Variants in KHDC1 observed in about 807,000 individuals in gnomAD.
KHDC1 encodes KH homology domain-containing protein 1.
A neutral mutation model predicts 24.7 loss-of-function variants in KHDC1; 21 were observed. That is an observed-to-expected ratio of 0.85 (90% confidence interval 0.60 to 1.23). The LOEUF (loss-of-function observed/expected upper bound fraction) is 1.23, where lower values mean the gene tolerates loss of function less well. KHDC1 is among the 50% of genes most tolerant of loss of function. The probability of loss-of-function intolerance (pLI) is 0.00; values close to 1 mark genes in which losing one functional copy is unlikely to be tolerated. For missense variants in KHDC1, 274 were observed against 298.5 expected (o/e 0.92, Z 0.61); for synonymous variants, 98 against 111.7 (o/e 0.88, Z 0.77).
chr6:73,263,115 G>A (rs1273949217), intron 2 of KHDC1: 33 of 1,006,276 alleles, frequency 3.3e-5, no homozygotes, highest in Non-Finnish European at 3.9e-5. Context: ...AGGAGACAGC[G>A]GTACCTCCTG....
In KHDC1 at chr6:73,287,331, C is replaced by T. The variant is rs1562256842; in HGVS notation, c.206+4667G>A. Among the ~76,000 whole-genome samples, 12 of 152,184 alleles carry T rather than the reference C, an allele frequency of 7.9e-5. No individual in the cohort carries two copies. The South Asian group carries it at 2.5e-3, about 31-fold the overall frequency. The stretch of plus-strand genomic sequence containing the variant: ...ACTTAACCCTCAGATGCCAGAAAGA[C>T]ACAATCATCATAACAAGTGGCAAGT... On this transcript the variant is annotated intron_variant, in intron 2 of 4. Coordinates refer to ENST00000370384, the Ensembl canonical transcript of KHDC1.
At chr6:73,307,814 G>C (rs923114613) in intron 1 of KHDC1, among the ~76,000 whole-genome samples, 4 of 152,168 alleles carry the variant, frequency 2.6e-5, no homozygotes, top group Admixed American at 2.6e-4. Context: ...ACATCACCTG[G>C]AGGTCTTCTT....
intron 2 of KHDC1, among the ~76,000 whole-genome samples, chr6:73,289,258 C>A (rs542357588): frequency 2.4e-5 from 3 of 122,450 alleles, no homozygotes; most frequent in Non-Finnish European, 4.8e-5. Context: ...CACTTGAACC[C>A]GGGAGGCGGT....
chr6:73,298,422 A>ATTTTTTT (rs1562260419), intron 1 of KHDC1, among the ~76,000 whole-genome samples: 1 of 115,046 alleles, frequency 8.7e-6, no homozygotes, highest in African/African-American at 3.6e-5. Context: ...ATACTTTGCA[A>ATTTTTTT]ATTTTTTTTT....
At chr6:73,278,264 A>C (rs1582572831) in intron 2 of KHDC1, among the ~76,000 whole-genome samples, 2 of 135,322 alleles carry the variant, frequency 1.5e-5, no homozygotes, top group Admixed American at 7.7e-5. Flanking sequence ...TGATCCCCCC[A>C]CCTCGGCCTC....
chr6:73,306,520 T>C (rs1481268000), intron 1 of KHDC1, among the ~76,000 whole-genome samples: 1 of 152,168 alleles, frequency 6.6e-6, no homozygotes, highest in Non-Finnish European at 1.5e-5. Context: ...TCTGAGAATC[T>C]CACTCCTGCA....
chr6:73,255,776 C>T (rs1766870009), intron 2 of KHDC1, among the ~76,000 whole-genome samples: 1 of 151,534 alleles, frequency 6.6e-6, no homozygotes, highest in Non-Finnish European at 1.5e-5. Flanking sequence ...GTGGCGGGCA[C>T]CTTTCATCCC....
chr6:73,272,836 TTTTTC>T (rs1225325678), intron 2 of KHDC1, among the ~76,000 whole-genome samples: 73 of 150,122 alleles, frequency 4.9e-4, no homozygotes, highest in African/African-American at 1.3e-3. Flanking sequence ...GCTGGATAAT[TTTTTC>T]TTTTCTTTTC....
At position 73,306,852 on chromosome 6, in the gene KHDC1, C is replaced by CA. The variant is rs568325773; in HGVS notation, c.163+2699dup. Among the ~76,000 whole-genome samples the CA allele has an allele frequency of 2.3e-3, 355 of 151,756 alleles. 3 individuals are homozygous for CA. Among genetic ancestry groups the CA allele is most frequent in the African/African-American group, 7.9e-3 (328 of 41,368 alleles). The stretch of plus-strand genomic sequence containing the variant: ...TGAAACCCCGTCTCTACTAAAAATA[C>CA]AAAAAAATTAGCCAGGTGTGGTGGC... On this transcript the variant is annotated intron_variant, in intron 1 of 4. Transcript: ENST00000370384.
At chr6:73,271,060 C>T (rs1228370667) in intron 2 of KHDC1, among the ~76,000 whole-genome samples, 1 of 152,116 alleles carries the variant, frequency 6.6e-6, no homozygotes, top group African/African-American at 2.4e-5. Context: ...CAGTGTTTTT[C>T]AGACTGCAAG....
At chr6:73,254,598 G>A (rs373311533) in intron 2 of KHDC1, among the ~76,000 whole-genome samples, 1 of 152,160 alleles carries the variant, frequency 6.6e-6, no homozygotes, top group South Asian at 2.1e-4. Context: ...GTTAAAAAAT[G>A]GCAAGGTGCT....
intron 2 of KHDC1, among the ~76,000 whole-genome samples, chr6:73,261,605 A>G (rs1341938417): frequency 1.3e-5 from 2 of 151,424 alleles, no homozygotes; most frequent in South Asian, 2.1e-4. Flanking sequence ...CCCTGTCACT[A>G]TAAAAAAAAT....
chr6:73,279,064 A>T (rs1767355556), intron 2 of KHDC1, among the ~76,000 whole-genome samples: 2 of 152,214 alleles, frequency 1.3e-5, no homozygotes, highest in South Asian at 4.1e-4. Context: ...CAGTGATTGC[A>T]TATTTATCAA....
At chr6:73,261,835 C>T (rs1327894198) in intron 2 of KHDC1, among the ~76,000 whole-genome samples, 1 of 151,642 alleles carries the variant, frequency 6.6e-6, no homozygotes, top group East Asian at 1.9e-4. Context: ...TCACTTGAAC[C>T]CGGGAGATAG....
At chr6:73,295,014 TGTG>T (rs373531829) in intron 1 of KHDC1, among the ~76,000 whole-genome samples, 182 of 151,962 alleles carry the variant, frequency 1.2e-3, no homozygotes, top group African/African-American at 4.2e-3. Context: ...AGTCACCAGG[TGTG>T]GTGGCACACA....
rs191538698 is a variant in KHDC1 at position 73,296,477 on chromosome 6, C to A, written c.164-4437G>T. ...AAAAAAAATTAAACACACACATACACAAATCTAATGTATCAGATATCCTTA... is the reference window on the plus strand; with the variant it reads ...AAAAAAAATTAAACACACACATACAAAAATCTAATGTATCAGATATCCTTA... On this transcript the variant is annotated intron_variant, in intron 1 of 4. Coordinates refer to ENST00000370384, the Ensembl canonical transcript of KHDC1. Among the ~76,000 whole-genome samples, 740 of 152,202 alleles carry A rather than the reference C, an allele frequency of 4.9e-3. 6 individuals carry two copies. The highest frequency in any genetic ancestry group is 8.9e-3 in the Non-Finnish European group (604 of 67,996).
At chr6:73,296,684 C>G (rs1334067702) in intron 1 of KHDC1, among the ~76,000 whole-genome samples, 1 of 152,160 alleles carries the variant, frequency 6.6e-6, no homozygotes, top group East Asian at 1.9e-4. Context: ...CTCTTTCTAG[C>G]ACTATGATAA....
intron 1 of KHDC1, among the ~76,000 whole-genome samples, chr6:73,308,265 A>G (rs1768009222): frequency 6.6e-6 from 1 of 151,648 alleles, no homozygotes; most frequent in Non-Finnish European, 1.5e-5. Context: ...TAGTAGAGAC[A>G]GGGTTTCACC....
At chr6:73,248,800 C>G (rs1766722947) in intron 2 of KHDC1, among the ~76,000 whole-genome samples, 1 of 152,106 alleles carries the variant, frequency 6.6e-6, no homozygotes, top group Admixed American at 6.6e-5. Flanking sequence ...CTGACTTTTC[C>G]TGTTTCCATC....
Sources: gnomAD v4.1 joint callset for allele counts (sites outside exome capture counted in the v4.1 genomes callset) on GRCh38, gnomAD v4.1.1 for gene constraint, MANE v1.5 for transcripts, NCBI Gene and HGNC (gene_info 2026-07-23, HGNC 2026-07-21) for gene names.